Variants in PLPPR3 observed in about 807,000 individuals in gnomAD.
PLPPR3 encodes the protein phospholipid phosphatase-related protein type 3.
In PLPPR3, 14 loss-of-function variants were observed where a neutral mutation model predicts 27.3. That is an observed-to-expected ratio of 0.51 (90% confidence interval 0.34 to 0.80). PLPPR3 has a LOEUF of 0.80. Among genes scored for constraint, PLPPR3 ranks in the 30% least tolerant of loss-of-function variants. The probability of loss-of-function intolerance (pLI) is 0.01; values close to 1 mark genes in which losing one functional copy is unlikely to be tolerated. For missense variants in PLPPR3, 1,287 were observed against 1,056.9 expected (o/e 1.22, Z -3.02); for synonymous variants, 671 against 508.0 (o/e 1.32, Z -4.32).
Position 813,998 on chromosome 19 carries a change from T to A in PLPPR3, c.832-103A>T. The A allele has an allele frequency of 8.9e-7, 1 of 1,121,116 alleles. No homozygotes were observed. Among genetic ancestry groups the A allele is most frequent in the Non-Finnish European group, 1.2e-6 (1 of 827,166 alleles). 69.4% of individuals were successfully genotyped at this position (1,121,116 alleles called of 1,614,324 possible). On this transcript the variant is annotated intron_variant, in intron 7 of 7. Transcript: ENST00000520876. The surrounding 1 kb of genome is among the most constrained non-coding windows in gnomAD (Gnocchi z 4.1). ...GGGGCTCTGGACCGGGGGTGGGGGCTGGCAAGCTCTTGTCCAGTGGGACCG... is the reference window on the plus strand; with the variant it reads ...GGGGCTCTGGACCGGGGGTGGGGGCAGGCAAGCTCTTGTCCAGTGGGACCG...
At position 813,975 on chromosome 19, in the gene PLPPR3, G is replaced by A. The variant is rs2035002723; in HGVS notation, c.832-80C>T. ...TGTGATCGTTGGACTTGCCGCGGGG[G>A]GCTCTGGACCGGGGGTGGGGGCTGG... On this transcript the variant is annotated intron_variant, in intron 7 of 7. Coordinates refer to ENST00000520876, the MANE Select transcript of PLPPR3 (RefSeq NM_001270366.2). The surrounding 1 kb of genome is among the most constrained non-coding windows in gnomAD (Gnocchi z 4.1). The A allele has an allele frequency of 1.4e-6, 2 of 1,392,436 alleles. No individual in the cohort carries two copies. The highest frequency in any genetic ancestry group is 1.9e-6 in the Non-Finnish European group (2 of 1,074,674). The allele number at this position is 1,392,436 out of a possible 1,614,324, so 86.3% of individuals were successfully genotyped here.
rs756018245 is a variant in PLPPR3 at position 815,682 on chromosome 19, G to A, written c.245C>T (p.Ala82Val). The change falls in exon 3 of 8, where the codon GCG becomes GTG. Residue 82 changes from alanine to valine, a missense_variant. Ala to Val is a moderately conservative substitution (Grantham distance 64). Coordinates refer to ENST00000520876, the MANE Select transcript of PLPPR3 (RefSeq NM_001270366.2). The stretch of plus-strand genomic sequence containing the variant: ...GGTGCTCACCGAGGCGGCAGGGGCC[G>A]CGAAGGCCAAGCTGAGCAGCATCAG... ...PLLMLLSLAF[A>V]APAASIMVAE... is the part of the protein sequence containing the mutation. The A allele has an allele frequency of 6.3e-6, 10 of 1,592,886 alleles. No individual in the cohort carries two copies. The highest frequency in any genetic ancestry group is 1.8e-5 in the Admixed American group (1 of 56,744).
chr19:814,287 C>T lies in PLPPR3; in HGVS notation c.831+147G>A, dbSNP rs351989. ...GAACCATGCCTCACCCCTCAGGCTA[C>T]CAGCCTCCCCTGTCAGACCCCCTGA... On this transcript the variant is annotated intron_variant, in intron 7 of 7. Transcript: ENST00000520876. The T allele has an allele frequency of 0.024, 18,434 of 778,092 alleles. 2,472 individuals carry two copies. In the African/African-American group the frequency reaches 0.29, roughly 12 times the overall value. The allele number at this position is 778,092 out of a possible 1,614,324, so 48.2% of individuals were successfully genotyped here. A position where few individuals can be genotyped will look rare whatever the true frequency, so the allele number is the denominator to read the frequency against.
chr19:816,374 A>AACCG (rs1286241019), intron 2 of PLPPR3, among the ~76,000 whole-genome samples: 7 of 49,662 alleles, frequency 1.4e-4, no homozygotes, highest in Admixed American at 2.1e-4. Flanking sequence ...CCAGCCATTC[A>AACCG]TCCATCCATC....
chr19:812,978 G>A lies in PLPPR3; in HGVS notation c.1749C>T (p.Ile583=). ...CGGGGTGGTGCGGCGCGTGCGCGTCGATGGTCACGATGCTGGCGGAGTCGC... is the reference window on the plus strand; with the variant it reads ...CGGGGTGGTGCGGCGCGTGCGCGTCAATGGTCACGATGCTGGCGGAGTCGC... ...SDRDSASIVT[I]DAHAPHHPVV... Residue 583 remains isoleucine, a synonymous_variant, in exon 8 of 8, where the codon ATC becomes ATT. Transcript: ENST00000520876. 6.7e-7 allele frequency: 1 copy of A among 1,497,570 alleles called. No individual in the cohort carries two copies. Among genetic ancestry groups the A allele is most frequent in the African/African-American group, 1.5e-5 (1 of 68,444 alleles). The allele number at this position is 1,497,570 out of a possible 1,614,324, so 92.8% of individuals were successfully genotyped here.
intron 2 of PLPPR3, 99 bp downstream of exon 2, chr19:821,386 C>G (rs904272733): frequency 9.2e-7 from 1 of 1,085,198 alleles, no homozygotes; most frequent in South Asian, 1.7e-5. Flanking sequence ...AGGCCACTGC[C>G]GGGGCAGCTG....
chr19:818,450 C>T (rs2035095522), intron 2 of PLPPR3, among the ~76,000 whole-genome samples: 1 of 151,994 alleles, frequency 6.6e-6, no homozygotes, highest in African/African-American at 2.4e-5. Flanking sequence ...CCTGTAATTC[C>T]AGTGCTTTGG....
In PLPPR3 at chr19:813,451, C is replaced by T. The variant is rs2145061670; in HGVS notation, c.1276G>A (p.Asp426Asn). ...LEGRGLGLPDDASPGHLRAPA... is the reference protein window; with the variant it reads ...LEGRGLGLPDNASPGHLRAPA... ...GCGCGCAGGTGCCCGGGGCTGGCGT[C>T]GTCGGGCAGCCCCAGGCCGCGGCCC... Residue 426 changes from aspartate (D) to asparagine (N), a missense_variant, in exon 8 of 8, where the codon GAC (aspartate) becomes AAC (asparagine). Transcript: ENST00000520876. This position sits in a 1 kb window ranked among gnomAD's most constrained non-coding sequence, Gnocchi z 4.1. The T allele has an allele frequency of 6.5e-7, 1 of 1,529,488 alleles. No individual in the cohort carries two copies. The highest frequency in any genetic ancestry group is 2.0e-4 in the Middle Eastern group (1 of 5,030). The allele number at this position is 1,529,488 out of a possible 1,614,324, so 94.7% of individuals were successfully genotyped here.
At chr19:822,300 G>T (rs1243337555), upstream of PLPPR3, among the ~76,000 whole-genome samples, 1 of 151,818 alleles carries the variant, frequency 6.6e-6, no homozygotes, top group Non-Finnish European at 1.5e-5. Flanking sequence ...CGGAGGCGGG[G>T]GCGGGGGTTG....
intron 2 of PLPPR3, among the ~76,000 whole-genome samples, chr19:819,093 C>T (rs1454654155): frequency 9.2e-6 from 1 of 109,080 alleles, no homozygotes; most frequent in Non-Finnish European, 1.8e-5. Context: ...TCTCCCACCT[C>T]AGCCTCCGGA....
In PLPPR3 at chr19:814,675, TGA is replaced by T; in HGVS notation, c.657+15_657+16del. 2.5e-6 allele frequency: 4 copies of T among 1,606,724 alleles called. No individual in the cohort carries two copies. The highest frequency in any genetic ancestry group is 3.3e-4 in the Middle Eastern group (2 of 6,054). On this transcript the variant is annotated intron_variant, in intron 6 of 7. Coordinates refer to ENST00000520876, the MANE Select transcript of PLPPR3 (RefSeq NM_001270366.2). ...CAGCAAGAGGGCCTGGGAAGGGCAG[TGA>T]GGGGCCGGACTCACCGACACATAGA...
At chr19:816,602 C>T (rs2035063211) in intron 2 of PLPPR3, among the ~76,000 whole-genome samples, 1 of 144,104 alleles carries the variant, frequency 6.9e-6, no homozygotes, top group South Asian at 2.2e-4. Flanking sequence ...TCCATCCATC[C>T]ATCATCCACC....
chr19:814,606 A>C lies in PLPPR3; in HGVS notation c.659T>G (p.Met220Arg). 6.2e-7 allele frequency: 1 copy of C among 1,611,922 alleles called. No homozygotes were observed. Among genetic ancestry groups the C allele is most frequent in the Non-Finnish European group, 8.5e-7 (1 of 1,179,972 alleles). Residue 220 changes from methionine to arginine, a missense_variant and splice_region_variant, in exon 7 of 8, where the codon ATG becomes AGG. By Grantham distance (91) the Met-to-Arg change is moderately conservative (BLOSUM62 -1). Transcript: ENST00000520876. ...LSAFAAVYVS[M>R]YFNSVISDTT... is the part of the protein sequence containing the mutation. ...GTCCGAGATGACCGAGTTGAAGTAC[A>C]TCTGGGGCATGGGGGTTGGGGTCAG...
At chr19:822,616 G>A (rs2145088231), upstream of PLPPR3, among the ~76,000 whole-genome samples, 1 of 152,264 alleles carries the variant, frequency 6.6e-6, no homozygotes, top group South Asian at 2.1e-4. Context: ...CGGGGCGCGG[G>A]GCTGGGGGCT....
chr19:819,297 C>T (rs1192903207), intron 2 of PLPPR3, among the ~76,000 whole-genome samples: 3 of 53,634 alleles, frequency 5.6e-5, no homozygotes, highest in African/African-American at 2.0e-4. Flanking sequence ...TTTTTTTTTT[C>T]CGAGATGGAG....
At position 812,842 on chromosome 19, in the gene PLPPR3, G is replaced by C. The variant is rs2034956681; in HGVS notation, c.1885C>G (p.Arg629Gly). The change falls in exon 8 of 8, where the codon CGC becomes GGC. Residue 629 changes from arginine (R) to glycine (G), a missense_variant. Physicochemically the swap from Arg to Gly is moderately radical, Grantham distance 125. Coordinates refer to ENST00000520876, the MANE Select transcript of PLPPR3 (RefSeq NM_001270366.2). ...ACGCCCGGGGGCTTGGCCCCGCCGC[G>C]GAAGCCGCGCGCCAGGTCCCCCAGC... Reference protein sequence around the residue: ...YELGDLARGFRGGAKPPGVSP... With the variant: ...YELGDLARGFGGGAKPPGVSP... 1 of 1,125,204 alleles carries C rather than the reference G, an allele frequency of 8.9e-7. No individual in the cohort carries two copies. Among genetic ancestry groups the C allele is most frequent in the African/African-American group, 1.7e-5 (1 of 59,036 alleles). The allele number at this position is 1,125,204 out of a possible 1,614,324, so 69.7% of individuals were successfully genotyped here.
intron 2 of PLPPR3, among the ~76,000 whole-genome samples, chr19:821,255 G>T (rs1282626529): frequency 7.0e-6 from 1 of 141,878 alleles, no homozygotes; most frequent in Non-Finnish European, 1.5e-5. Flanking sequence ...CCTAGCACCT[G>T]CCCACAGTTC....
At chr19:819,997 C>A (rs351104) in intron 2 of PLPPR3, among the ~76,000 whole-genome samples, 55,507 of 151,746 alleles carry the variant, frequency 0.37, 10,840 homozygotes, top group African/African-American at 0.51. Flanking sequence ...CACACCACCA[C>A]GCCCAGCTAT....
At chr19:820,938 T>G (rs1201510061) in intron 2 of PLPPR3, among the ~76,000 whole-genome samples, 1 of 152,214 alleles carries the variant, frequency 6.6e-6, no homozygotes, top group South Asian at 2.1e-4. Context: ...ATTACAGGCG[T>G]GAGCCACCGC....
Sources: gnomAD v4.1 joint callset for allele counts (sites outside exome capture counted in the v4.1 genomes callset) on GRCh38, gnomAD v4.1.1 for gene constraint, Gnocchi (gnomAD v3.1) non-coding constraint, MANE v1.5 for transcripts, NCBI Gene and HGNC (gene_info 2026-07-23, HGNC 2026-07-21) for gene names.